The following NELL1 variants were observed in gnomAD, a reference collection of about 807,000 sequenced individuals.
The protein encoded by NELL1 is neural EGFL like 1.
NELL1 carries 76 observed loss-of-function variants against 107.4 expected under a neutral mutation model. The observed-to-expected ratio is 0.71, with a 90% CI of 0.59 to 0.86. The LOEUF (loss-of-function observed/expected upper bound fraction) is 0.86. Among genes scored for constraint, NELL1 ranks in the 40% least tolerant of loss-of-function variants. The probability of loss-of-function intolerance (pLI) is 0.00; values close to 1 mark genes in which losing one functional copy is unlikely to be tolerated. For missense variants in NELL1, 1,024 were observed against 1,005.5 expected (o/e 1.02, Z -0.25); for synonymous variants, 353 against 341.2 (o/e 1.03, Z -0.38).
intron 4 of NELL1, among the ~76,000 whole-genome samples, chr11:20,856,899 A>G (rs1359286401): frequency 4.6e-5 from 7 of 152,184 alleles, no homozygotes; most frequent in African/African-American, 1.4e-4. Flanking sequence ...CATCTTATAG[A>G]TGGGAGGTTT....
At position 20,773,424 on chromosome 11, in the gene NELL1, G is replaced by A. The variant is rs75576831; in HGVS notation, c.185-10256G>A. ...TGGTTTTATTCTCATTTGTAAAAAT[G>A]AGGAAGCTGAGGCACAGAGAGATTA... On this transcript the variant is annotated intron_variant, in intron 2 of 19. Coordinates refer to ENST00000357134, the MANE Select transcript of NELL1 (RefSeq NM_006157.5). The A allele has an allele frequency of 7.4e-3, 1,125 of 152,240 alleles. 7 individuals carry two copies. Among genetic ancestry groups the A allele is most frequent in the African/African-American group, 0.025 (1,055 of 41,518 alleles). 9.4% of individuals were successfully genotyped at this position (152,240 alleles called of 1,614,324 possible).
intron 7 of NELL1, among the ~76,000 whole-genome samples, chr11:20,920,828 T>C (rs747031309): frequency 4.6e-5 from 7 of 152,080 alleles, no homozygotes; most frequent in Non-Finnish European, 8.8e-5. Context: ...CAAAACGTTA[T>C]TGTGTAAAAT....
chr11:21,482,859 T>C (rs561667420), intron 15 of NELL1, among the ~76,000 whole-genome samples: 1 of 152,238 alleles, frequency 6.6e-6, no homozygotes, highest in Non-Finnish European at 1.5e-5. Flanking sequence ...ATGATTAGCA[T>C]TAAAATTGAA....
At chr11:20,787,901 C>T (rs1857000034) in intron 3 of NELL1, among the ~76,000 whole-genome samples, 1 of 152,178 alleles carries the variant, frequency 6.6e-6, no homozygotes, top group South Asian at 2.1e-4. Context: ...CACTAATCTA[C>T]TTTCTGTCTC....
At chr11:20,734,966 T>G (rs137858196) in intron 2 of NELL1, among the ~76,000 whole-genome samples, 3,004 of 152,188 alleles carry the variant, frequency 0.02, 46 homozygotes, top group Non-Finnish European at 0.028. Context: ...GTTTTAATAA[T>G]TCCTCCAACC....
At chr11:21,541,223 T>A (rs2133978698) in intron 16 of NELL1, among the ~76,000 whole-genome samples, 1 of 152,264 alleles carries the variant, frequency 6.6e-6, no homozygotes, top group East Asian at 1.9e-4. Context: ...CTTACGGGAC[T>A]GAATACCTGT....
chr11:21,344,343 G>A (rs901670735), intron 14 of NELL1, among the ~76,000 whole-genome samples: 2 of 152,184 alleles, frequency 1.3e-5, no homozygotes, highest in South Asian at 2.1e-4. Flanking sequence ...GCAGCAGAGA[G>A]CAGTACTAAT....
chr11:20,818,775 G>A (rs1857683613), intron 3 of NELL1, among the ~76,000 whole-genome samples: 1 of 152,142 alleles, frequency 6.6e-6, no homozygotes. Flanking sequence ...GAAAAGAAGA[G>A]TTATAAGATT....
chr11:21,395,413 A>C (rs1242578469), intron 15 of NELL1, among the ~76,000 whole-genome samples: 3 of 151,576 alleles, frequency 2.0e-5, no homozygotes, highest in African/African-American at 7.2e-5. Flanking sequence ...CAGATTATGA[A>C]ATGATTTTAG....
chr11:20,879,939 C>A (rs1849376991), intron 4 of NELL1, among the ~76,000 whole-genome samples: 1 of 151,994 alleles, frequency 6.6e-6, no homozygotes, highest in African/African-American at 2.4e-5. Context: ...TCGAAAAATT[C>A]TGTTTTAATG....
chr11:21,247,659 A>G (rs1858529194), intron 14 of NELL1, among the ~76,000 whole-genome samples: 1 of 152,252 alleles, frequency 6.6e-6, no homozygotes, highest in Admixed American at 6.5e-5. Context: ...TTTTTAAAAT[A>G]TGTAAGTGGG....
intron 12 of NELL1, among the ~76,000 whole-genome samples, chr11:21,001,735 C>T (rs560248565): frequency 6.7e-6 from 1 of 148,312 alleles, no homozygotes; most frequent in Admixed American, 6.7e-5. Flanking sequence ...CAACGGGGAG[C>T]TCCCACATTG....
At chr11:20,678,566 T>G (rs894564010) in intron 2 of NELL1, among the ~76,000 whole-genome samples, 11 of 152,084 alleles carry the variant, frequency 7.2e-5, no homozygotes, top group Admixed American at 7.2e-4. Flanking sequence ...GAAAACATGG[T>G]GTGGTTCTTA....
At chr11:21,099,806 C>T (rs1160422524) in intron 12 of NELL1, among the ~76,000 whole-genome samples, 1 of 152,088 alleles carries the variant, frequency 6.6e-6, no homozygotes, top group African/African-American at 2.4e-5. Context: ...CATTCAGCTA[C>T]TCAGGGGCAT....
At chr11:20,772,726 G>C (rs1387394411) in intron 2 of NELL1, among the ~76,000 whole-genome samples, 1 of 152,154 alleles carries the variant, frequency 6.6e-6, no homozygotes, top group African/African-American at 2.4e-5. Context: ...TCTTACAGCA[G>C]GTACTTGGCA....
chr11:21,408,614 G>C (rs924570593), intron 15 of NELL1, among the ~76,000 whole-genome samples: 2 of 151,932 alleles, frequency 1.3e-5, no homozygotes, highest in African/African-American at 4.8e-5. Context: ...CCATTTTGTA[G>C]GTTGCCTGTT....
At chr11:20,802,619 G>A (rs540925643) in intron 3 of NELL1, among the ~76,000 whole-genome samples, 1 of 152,290 alleles carries the variant, frequency 6.6e-6, no homozygotes, top group African/African-American at 2.4e-5. Context: ...TAACAGTGGT[G>A]AAGGTGAACA....
At chr11:20,918,281 T>C (rs2134159233) in intron 6 of NELL1, 27 bp downstream of exon 6, 1 of 1,301,670 alleles carries the variant, frequency 7.7e-7, no homozygotes, top group Non-Finnish European at 1.1e-6. Flanking sequence ...AGCATTGTGA[T>C]ATATTATATA....
intron 15 of NELL1, among the ~76,000 whole-genome samples, chr11:21,408,455 C>CT (rs1232297757): frequency 1.3e-5 from 2 of 151,972 alleles, no homozygotes; most frequent in Non-Finnish European, 2.9e-5. Flanking sequence ...GCTTTGAGTT[C>CT]TTTTGCTATA....
Sources: allele counts gnomAD v4.1 joint callset (sites outside exome capture counted in the v4.1 genomes callset), GRCh38; gene constraint gnomAD v4.1.1; transcripts MANE v1.5; gene names NCBI Gene and HGNC (gene_info 2026-07-23, HGNC 2026-07-21).